LRRC7: variants seen among roughly 807,000 people sequenced by gnomAD.
The protein encoded by LRRC7 is leucine rich repeat containing 7, also known as leucine-rich repeat-containing protein 7.
A neutral mutation model predicts 175.7 loss-of-function variants in LRRC7; 23 were observed. That is an observed-to-expected ratio of 0.13 (90% confidence interval 0.09 to 0.19). The LOEUF is 0.19. Among genes scored for constraint, LRRC7 ranks in the 10% least tolerant of loss-of-function variants. LRRC7 has a pLI of 1.00. For missense variants in LRRC7, 1,354 were observed against 1,904.7 expected (o/e 0.71, Z 5.38); for synonymous variants, 685 against 680.9 (o/e 1.01, Z -0.09).
Position 69,717,838 on chromosome 1 carries a change from GAAAAAAGAAAGAAAGGAAAGAAA to G in LRRC7, c.100+39361_100+39383del, listed in dbSNP as rs1665675055. Among the ~76,000 whole-genome samples the G allele has an allele frequency of 4.5e-4, 13 of 29,170 alleles. 3 individuals carry two copies. Among genetic ancestry groups the G allele is most frequent in the Admixed American group, 2.1e-3 (5 of 2,342 alleles). 19.1% of individuals were successfully genotyped at this position (29,170 alleles called of 152,430 possible). A position where few individuals can be genotyped will look rare whatever the true frequency, so the allele number is the denominator to read the frequency against. On this transcript the variant is annotated intron_variant, in intron 2 of 26. Coordinates refer to ENST00000651989, the MANE Select transcript of LRRC7 (RefSeq NM_001370785.2). ...AGAAAGAAAGAAAGAAAGAAAGAAA[GAAAAAAGAAAGAAAGGAAAGAAA>G]GAAAGAAAGAAAGAAAGAGAGAAAA...
At chr1:69,844,610 A>G (rs780973420) in intron 7 of LRRC7, among the ~76,000 whole-genome samples, 1 of 152,084 alleles carries the variant, frequency 6.6e-6, no homozygotes, top group Non-Finnish European at 1.5e-5. Context: ...AGTTGATTCC[A>G]TATCTTGGCT....
chr1:69,810,583 C>G, intron 4 of LRRC7, among the ~76,000 whole-genome samples: 1 of 152,000 alleles, frequency 6.6e-6, no homozygotes, highest in South Asian at 2.1e-4. Context: ...ATATATAGAC[C>G]AATAGAACAG....
intron 7 of LRRC7, among the ~76,000 whole-genome samples, chr1:69,853,811 T>C (rs2101478913): frequency 6.6e-6 from 1 of 152,286 alleles, no homozygotes; most frequent in South Asian, 2.1e-4. Context: ...CTTGCTTCGG[T>C]TGTAATTCAG....
intron 1 of LRRC7, among the ~76,000 whole-genome samples, chr1:69,645,314 G>A (rs976107531): frequency 6.6e-6 from 1 of 151,968 alleles, no homozygotes; most frequent in Non-Finnish European, 1.5e-5. Context: ...ATTTAAAACT[G>A]CATTAACTGT....
At chr1:69,966,650 G>C (rs1023907808) in intron 8 of LRRC7, among the ~76,000 whole-genome samples, 1 of 152,192 alleles carries the variant, frequency 6.6e-6, no homozygotes, top group Non-Finnish European at 1.5e-5. Flanking sequence ...CCCAAATACT[G>C]TGAGTGCCCA....
chr1:70,039,573 C>T lies in LRRC7; in HGVS notation c.3749C>T (p.Ala1250Val). ...AGCTACAGTACAGAGAGTTACGGTG[C>T]CTCCCAAACCAGGCCAGTTTCAGCT... ...ARSYSTESYG[A>V]SQTRPVSARP... Residue 1250 changes from alanine (A) to valine (V), a missense_variant, in exon 21 of 27, where the codon GCC becomes GTC. This residue lies in a region of LRRC7 where 1,032 missense variants were observed against 1,227.2 expected (regional missense o/e 0.84). Coordinates refer to ENST00000651989, the MANE Select transcript of LRRC7 (RefSeq NM_001370785.2). 2.5e-6 allele frequency: 4 copies of T among 1,614,036 alleles called. No homozygotes were observed. The highest frequency in any genetic ancestry group is 3.4e-6 in the Non-Finnish European group (4 of 1,179,980).
chr1:70,100,351 A>G (rs1428206003), intron 25 of LRRC7, among the ~76,000 whole-genome samples: 1 of 152,126 alleles, frequency 6.6e-6, no homozygotes, highest in Admixed American at 6.5e-5. Context: ...TCATCTTGAT[A>G]TATATGCTAC....
intron 3 of LRRC7, among the ~76,000 whole-genome samples, chr1:69,781,733 A>AAGAGAGAGAGAG (rs755676231): frequency 1.3e-4 from 3 of 23,540 alleles, no homozygotes; most frequent in African/African-American, 5.0e-4. Context: ...GAAAGAAAGA[A>AAGAGAGAGAGAG]AGAGAGAGAG....
intron 23 of LRRC7, among the ~76,000 whole-genome samples, chr1:70,059,690 C>G (rs535009287): frequency 2.0e-5 from 3 of 151,700 alleles, no homozygotes; most frequent in Non-Finnish European, 4.4e-5. Context: ...TAATGTAATA[C>G]ATTTCAATGC....
chr1:69,612,684 T>C (rs567286365), intron 1 of LRRC7, among the ~76,000 whole-genome samples: 14 of 152,242 alleles, frequency 9.2e-5, no homozygotes, highest in African/African-American at 3.1e-4. Context: ...TTGTGTATTT[T>C]ATACCATATA....
chr1:69,752,786 G>A (rs1669979898), intron 2 of LRRC7, among the ~76,000 whole-genome samples: 1 of 152,014 alleles, frequency 6.6e-6, no homozygotes, highest in Non-Finnish European at 1.5e-5. Context: ...AAGAGAGAAG[G>A]GAATCCATGC....
intron 7 of LRRC7, among the ~76,000 whole-genome samples, chr1:69,899,582 G>A (rs1452699619): frequency 1.3e-5 from 2 of 152,176 alleles, no homozygotes; most frequent in East Asian, 3.9e-4. Flanking sequence ...TTCTGCCATT[G>A]TAAGCACAAA....
intron 9 of LRRC7, among the ~76,000 whole-genome samples, chr1:69,984,392 G>T (rs561668685): frequency 1.3e-5 from 2 of 152,268 alleles, no homozygotes; most frequent in African/African-American, 2.4e-5. Flanking sequence ...TGTATTTATT[G>T]TGTATTTGTT....
chr1:69,608,850 CTCTCTCTCTCTCTCTCTATATATATATA>C (rs1196671749), intron 1 of LRRC7, among the ~76,000 whole-genome samples: 623 of 48,534 alleles, frequency 0.013, 1 homozygote, highest in African/African-American at 0.037. Flanking sequence ...CTCTCTCTCT[CTCTCTCTCTCTCTCTCTATATATATATA>C]TATATATATA....
intron 18 of LRRC7, among the ~76,000 whole-genome samples, chr1:70,028,583 G>A (rs1284540228): frequency 6.6e-6 from 1 of 152,066 alleles, no homozygotes; most frequent in Non-Finnish European, 1.5e-5. Flanking sequence ...AGCTCCAAAA[G>A]TTCCAATACA....
chr1:70,062,587 T>C (rs1661666143), intron 23 of LRRC7, among the ~76,000 whole-genome samples: 1 of 152,010 alleles, frequency 6.6e-6, no homozygotes, highest in Non-Finnish European at 1.5e-5. Context: ...TTAAGAATTA[T>C]CAGCCAATGC....
At chr1:69,916,621 A>G (rs1432620054) in intron 7 of LRRC7, among the ~76,000 whole-genome samples, 1 of 152,096 alleles carries the variant, frequency 6.6e-6, no homozygotes, top group Non-Finnish European at 1.5e-5. Context: ...TCAATTAATT[A>G]TAGATGCCTG....
intron 4 of LRRC7, among the ~76,000 whole-genome samples, chr1:69,804,120 T>C (rs910243299): frequency 2.0e-5 from 3 of 151,440 alleles, no homozygotes; most frequent in Non-Finnish European, 4.4e-5. Context: ...GGGACCTTTT[T>C]ATTCACCGTT....
intron 8 of LRRC7, among the ~76,000 whole-genome samples, chr1:69,976,647 C>A (rs546793236): frequency 6.6e-6 from 1 of 152,326 alleles, no homozygotes; most frequent in East Asian, 1.9e-4. Flanking sequence ...GACACCTTTC[C>A]TGTGTAGGAT....
Sources: allele counts gnomAD v4.1 joint callset (sites outside exome capture counted in the v4.1 genomes callset), GRCh38; gene constraint gnomAD v4.1.1; regional missense constraint gnomAD v4.1.1; transcripts MANE v1.5; gene names NCBI Gene and HGNC (gene_info 2026-07-23, HGNC 2026-07-21).